The following PHACTR1 variants were observed in gnomAD, a reference collection of about 807,000 sequenced individuals.
The protein encoded by PHACTR1 is phosphatase and actin regulator 1, also known as RPEL repeat containing 1.
PHACTR1 carries 16 observed loss-of-function variants against 69.2 expected under a neutral mutation model. The observed-to-expected ratio is 0.23, with a 90% CI of 0.16 to 0.35. The LOEUF is 0.35. Ranked by LOEUF, PHACTR1 falls within the 10% of genes least tolerant of loss-of-function variation. PHACTR1 has a pLI of 1.00. For synonymous variants in PHACTR1, 312 were observed against 284.5 expected, an observed-to-expected ratio of 1.10 and a Z score of -0.97; for missense variants, 510 against 734.7, an observed-to-expected ratio of 0.69 and a Z score of 3.54.
Position 13,227,797 on chromosome 6 carries a change from C to A in PHACTR1, c.987-19C>A. 5.0e-6 allele frequency: 8 copies of A among 1,606,688 alleles called. No individual in the cohort carries two copies. Among genetic ancestry groups the A allele is most frequent in the Non-Finnish European group, 6.8e-6 (8 of 1,175,228 alleles). ...GTTAGCCAAAGTGAATTTCCTCTTT[C>A]CTCCTTGTCTTTAAACAGCTCTGAG... On this transcript the variant is annotated intron_variant, in intron 8 of 14. Coordinates refer to ENST00000332995, the MANE Select transcript of PHACTR1 (RefSeq NM_030948.6).
At chr6:12,943,301 T>G (rs779259867) in intron 4 of PHACTR1, among the ~76,000 whole-genome samples, 8 of 152,196 alleles carry the variant, frequency 5.3e-5, no homozygotes, top group Non-Finnish European at 1.2e-4. Context: ...ATGTCCAGAA[T>G]AGGCAAATTC....
At chr6:13,231,462 AG>A (rs1280475579) in intron 10 of PHACTR1, among the ~76,000 whole-genome samples, 3 of 149,794 alleles carry the variant, frequency 2.0e-5, no homozygotes, top group Non-Finnish European at 4.4e-5. Flanking sequence ...GAAAGAAGGA[AG>A]GAAGGAAGGA....
chr6:13,127,713 A>G (rs1467437736), intron 5 of PHACTR1, among the ~76,000 whole-genome samples: 1 of 152,124 alleles, frequency 6.6e-6, no homozygotes, highest in African/African-American at 2.4e-5. Context: ...CAACACCCAC[A>G]CTTTTTTCTG....
chr6:12,929,816 G>A lies in PHACTR1; in HGVS notation c.251-123549G>A, dbSNP rs74608618. On this transcript the variant is annotated intron_variant, in intron 4 of 14. Transcript: ENST00000332995. ...CTACTGAGATTGCTCCTTCATTCAA[G>A]CGTGTCAGAAATAATCATTTTAATT... Among the ~76,000 whole-genome samples the A allele has an allele frequency of 4.4e-3, 667 of 152,280 alleles. 5 individuals carry two copies. The highest frequency in any genetic ancestry group is 0.015 in the African/African-American group (625 of 41,546).
chr6:12,815,819 CA>C (rs1388375903), intron 4 of PHACTR1, among the ~76,000 whole-genome samples: 1 of 152,150 alleles, frequency 6.6e-6, no homozygotes, highest in African/African-American at 2.4e-5. Flanking sequence ...AGTACCTTTC[CA>C]CAAGAAACTG....
chr6:13,272,559 AAG>A lies in PHACTR1; in HGVS notation c.1392-298_1392-297del, dbSNP rs1190485569. ...GAAAGAAAAGGACTTCTGTGAAGAAAAGAGTCCCGTCTGAGTTGCAGTCCACT... is the reference window on the plus strand; with the variant it reads ...GAAAGAAAAGGACTTCTGTGAAGAAAAGTCCCGTCTGAGTTGCAGTCCACT... On this transcript the variant is annotated intron_variant, in intron 10 of 14. Coordinates refer to ENST00000332995, the MANE Select transcript of PHACTR1 (RefSeq NM_030948.6). 6.4e-6 allele frequency: 4 copies of A among 620,952 alleles called. No individual in the cohort carries two copies. In the Admixed American group the frequency reaches 1.4e-4, roughly 21 times the overall value. The allele number at this position is 620,952 out of a possible 1,614,324, so 38.5% of individuals were successfully genotyped here.
At chr6:12,732,811 T>A (rs373398439) in intron 3 of PHACTR1, among the ~76,000 whole-genome samples, 15 of 152,334 alleles carry the variant, frequency 9.8e-5, no homozygotes, top group African/African-American at 3.1e-4. Context: ...TCTAACTGAA[T>A]TATGAAATAA....
At chr6:13,114,037 T>C (rs1817443281) in intron 5 of PHACTR1, among the ~76,000 whole-genome samples, 1 of 152,188 alleles carries the variant, frequency 6.6e-6, no homozygotes, top group Non-Finnish European at 1.5e-5. Flanking sequence ...CTAACAGCCA[T>C]GCACAGGGCA....
chr6:13,247,414 C>T (rs1445513243), intron 10 of PHACTR1, among the ~76,000 whole-genome samples: 3 of 151,262 alleles, frequency 2.0e-5, no homozygotes, highest in Non-Finnish European at 2.9e-5. Context: ...GGTGCCATCT[C>T]GGCTCATTGC....
At chr6:12,939,426 A>G (rs1278625288) in intron 4 of PHACTR1, among the ~76,000 whole-genome samples, 1 of 152,020 alleles carries the variant, frequency 6.6e-6, no homozygotes, top group Non-Finnish European at 1.5e-5. Flanking sequence ...CCCACCTAAC[A>G]TAGAAATCCC....
intron 10 of PHACTR1, among the ~76,000 whole-genome samples, chr6:13,244,478 A>G (rs202057): frequency 0.15 from 22,309 of 152,154 alleles, 2,496 homozygotes; most frequent in African/African-American, 0.29. Flanking sequence ...TATGGGAGAC[A>G]AGTTTATTTC....
intron 7 of PHACTR1, chr6:13,185,145 T>A: frequency 1.8e-6 from 1 of 570,894 alleles, no homozygotes; most frequent in Non-Finnish European, 2.7e-6. Flanking sequence ...TTTCTGTGTG[T>A]GTCTTGATAT....
chr6:13,027,967 G>T (rs1216561666), intron 4 of PHACTR1, among the ~76,000 whole-genome samples: 3 of 152,184 alleles, frequency 2.0e-5, no homozygotes, highest in Admixed American at 6.5e-5. Flanking sequence ...GTGAGCCAAC[G>T]CGCCTGGCCT....
At chr6:12,720,888 A>G (rs1399310023) in intron 3 of PHACTR1, among the ~76,000 whole-genome samples, 1 of 152,210 alleles carries the variant, frequency 6.6e-6, no homozygotes, top group Non-Finnish European at 1.5e-5. Flanking sequence ...CATTGTACTC[A>G]ACACTAGAGG....
intron 4 of PHACTR1, among the ~76,000 whole-genome samples, chr6:12,941,031 G>C (rs1008707585): frequency 1.1e-4 from 17 of 152,308 alleles, no homozygotes; most frequent in Non-Finnish European, 2.2e-4. Flanking sequence ...GTAAGCATAT[G>C]ATTTTCACTT....
intron 7 of PHACTR1, among the ~76,000 whole-genome samples, chr6:13,188,992 C>CT (rs1269393916): frequency 6.6e-6 from 1 of 152,258 alleles, no homozygotes; most frequent in African/African-American, 2.4e-5. Context: ...TCCTGCCTCT[C>CT]TAAGTCATCA....
At chr6:13,057,363 A>G (rs1460173321) in intron 5 of PHACTR1, among the ~76,000 whole-genome samples, 1 of 152,230 alleles carries the variant, frequency 6.6e-6, no homozygotes, top group Non-Finnish European at 1.5e-5. Flanking sequence ...TCTATATCAT[A>G]TCCTTTCATA....
intron 4 of PHACTR1, among the ~76,000 whole-genome samples, chr6:13,000,798 T>C (rs1334031203): frequency 1.3e-5 from 2 of 152,196 alleles, no homozygotes; most frequent in East Asian, 3.8e-4. Flanking sequence ...CACAGCAAGC[T>C]CTCACTTCAA....
At chr6:12,915,848 G>A (rs921500157) in intron 4 of PHACTR1, among the ~76,000 whole-genome samples, 2 of 152,074 alleles carry the variant, frequency 1.3e-5, no homozygotes, top group African/African-American at 4.8e-5. Flanking sequence ...CATGGACTTT[G>A]GCCACAGCCT....
Sources: allele counts gnomAD v4.1 joint callset (sites outside exome capture counted in the v4.1 genomes callset), GRCh38; gene constraint gnomAD v4.1.1; transcripts MANE v1.5; gene names NCBI Gene and HGNC (gene_info 2026-07-23, HGNC 2026-07-21).